The following COL10A1 variants were observed in gnomAD, a reference collection of about 807,000 sequenced individuals.
The protein encoded by COL10A1 is collagen alpha-1(X) chain.
In COL10A1, 10 loss-of-function variants were observed where a neutral mutation model predicts 18.2. That is an observed-to-expected ratio of 0.55 (90% CI 0.34 to 0.93). The LOEUF (loss-of-function observed/expected upper bound fraction) is 0.93. COL10A1 is among the 40% of genes least tolerant of loss of function. COL10A1 has a pLI of 0.02. For missense variants in COL10A1, 897 were observed against 853.5 expected (o/e 1.05, Z -0.64); for synonymous variants, 330 against 316.6 (o/e 1.04, Z -0.45).
intron 1 of COL10A1, among the ~76,000 whole-genome samples, chr6:116,146,205 A>C (rs1408912240): frequency 2.6e-5 from 4 of 152,200 alleles, no homozygotes; most frequent in Non-Finnish European, 5.9e-5. Context: ...ATGATAAAGG[A>C]ATATAGATAA....
At chr6:116,182,266 T>C in the COL10A1 span, among the ~76,000 whole-genome samples, 1 of 151,550 alleles carries the variant, frequency 6.6e-6, no homozygotes, top group African/African-American at 2.4e-5. Flanking sequence ...TCACATTTTC[T>C]TTTTCTTTAT....
chr6:116,152,978 G>A (rs1366521853), intron 1 of COL10A1, among the ~76,000 whole-genome samples: 2 of 152,152 alleles, frequency 1.3e-5, no homozygotes, highest in African/African-American at 4.8e-5. Context: ...ATAAAATACA[G>A]AGGAATGATT....
chr6:116,163,141 A>AAAAT (rs761718922), upstream of COL10A1, among the ~76,000 whole-genome samples: 26 of 88,394 alleles, frequency 2.9e-4, 1 homozygote, highest in African/African-American at 1.3e-3. Flanking sequence ...AAAAAAAAAA[A>AAAAT]ATATATATAT....
At chr6:116,162,247 T>A (rs1053821759), upstream of COL10A1, among the ~76,000 whole-genome samples, 5 of 152,188 alleles carry the variant, frequency 3.3e-5, no homozygotes, top group South Asian at 2.1e-4. Context: ...CTTCCACTTT[T>A]CCGATTTGGA....
At chr6:116,197,271 C>A in the COL10A1 span, among the ~76,000 whole-genome samples, 4 of 151,962 alleles carry the variant, frequency 2.6e-5, no homozygotes, top group Non-Finnish European at 5.9e-5. Flanking sequence ...AACCACATAC[C>A]ATCCATAGTT....
In COL10A1 at chr6:116,121,000, G is replaced by A; in HGVS notation, c.1116C>T (p.Tyr372=). ...AACCCCTTTCACCCTTAGCCCCAGGGTATCCTGCAGGCCCAGCTGGCCCTG... is the reference window on the plus strand; with the variant it reads ...AACCCCTTTCACCCTTAGCCCCAGGATATCCTGCAGGCCCAGCTGGCCCTG... ...GETGPAGPAG[Y]PGAKGERGSP... is the part of the protein sequence containing the mutation. Residue 372 remains tyrosine (Y), a synonymous_variant, in exon 3 of 3, where the codon TAC becomes TAT. Coordinates refer to ENST00000651968, the MANE Select transcript of COL10A1 (RefSeq NM_000493.4). 6.2e-7 allele frequency: 1 copy of A among 1,613,912 alleles called. No individual in the cohort carries two copies. Among genetic ancestry groups the A allele is most frequent in the Non-Finnish European group, 8.5e-7 (1 of 1,179,880 alleles).
At chr6:116,195,085 T>C in the COL10A1 span, among the ~76,000 whole-genome samples, 11 of 152,102 alleles carry the variant, frequency 7.2e-5, no homozygotes, top group Admixed American at 7.2e-4. Context: ...TTGTTTTTGC[T>C]TGCCAGCCTA....
chr6:116,172,362 C>T, the COL10A1 span, among the ~76,000 whole-genome samples: 2 of 133,144 alleles, frequency 1.5e-5, no homozygotes, highest in African/African-American at 2.9e-5. Context: ...CGCTCTGTTG[C>T]CCAGGCTGGA....
chr6:116,148,220 CA>C lies in COL10A1; in HGVS notation c.-16+10393del, dbSNP rs967027046. On this transcript the variant is annotated intron_variant, in intron 1 of 1. Coordinates refer to the COL10A1 transcript ENST00000418500. ...AGAGGCAAATTGAGTAAGTTGGGGA[CA>C]GGGGTGGGAGGGAGAATTATTTTTC... Among the ~76,000 whole-genome samples the C allele has an allele frequency of 6.4e-4, 97 of 151,982 alleles. 1 individual carries two copies. Among genetic ancestry groups the C allele is most frequent in the Admixed American group, 6.5e-5 (1 of 15,272 alleles).
At chr6:116,163,181 G>C (rs1356946793), upstream of COL10A1, among the ~76,000 whole-genome samples, 2 of 141,224 alleles carry the variant, frequency 1.4e-5, no homozygotes, top group African/African-American at 5.4e-5. Flanking sequence ...ATTGATACCA[G>C]CTCTTCTTTG....
In COL10A1 at chr6:116,120,056, A is replaced by G; in HGVS notation, c.*17T>C. Reference sequence around the variant, plus strand: ...ATGCTTTTTCTAGCACAAGATTTAGATTAGCTCTGTGTGTACTCACATTGG... The same window carrying G: ...ATGCTTTTTCTAGCACAAGATTTAGGTTAGCTCTGTGTGTACTCACATTGG... On this transcript the variant is annotated 3_prime_UTR_variant, in exon 3 of 3. Transcript: ENST00000651968. 13 of 1,476,084 alleles carry G rather than the reference A, an allele frequency of 8.8e-6. No individual in the cohort carries two copies. Among genetic ancestry groups the G allele is most frequent in the Non-Finnish European group, 1.2e-5 (13 of 1,118,130 alleles). 91.4% of individuals were successfully genotyped at this position (1,476,084 alleles called of 1,614,324 possible).
upstream of COL10A1, among the ~76,000 whole-genome samples, chr6:116,160,065 T>A (rs967850634): frequency 3.3e-5 from 5 of 152,202 alleles, no homozygotes; most frequent in Non-Finnish European, 7.4e-5. Context: ...TGAATAGTGC[T>A]CAATAAACAT....
chr6:116,200,003 G>GT, the COL10A1 span, among the ~76,000 whole-genome samples: 1 of 150,984 alleles, frequency 6.6e-6, no homozygotes, highest in African/African-American at 2.5e-5. Context: ...GGAAAGTGGG[G>GT]GGGGAAGAGT....
the COL10A1 span, among the ~76,000 whole-genome samples, chr6:116,200,314 C>T: frequency 2.0e-5 from 3 of 151,830 alleles, no homozygotes; most frequent in Non-Finnish European, 4.4e-5. Context: ...AACCAGTAAA[C>T]GTAATATGGT....
At chr6:116,211,194 T>A in the COL10A1 span, among the ~76,000 whole-genome samples, 12 of 152,000 alleles carry the variant, frequency 7.9e-5, no homozygotes, top group South Asian at 6.2e-4. Context: ...TTTCACCAGC[T>A]CTCACCGTTC....
At chr6:116,147,526 A>G (rs1779929529) in intron 1 of COL10A1, among the ~76,000 whole-genome samples, 1 of 152,194 alleles carries the variant, frequency 6.6e-6, no homozygotes, top group South Asian at 2.1e-4. Context: ...GTCCTAATAT[A>G]TAAGAAGTTA....
At chr6:116,195,660 T>G in the COL10A1 span, among the ~76,000 whole-genome samples, 1 of 152,066 alleles carries the variant, frequency 6.6e-6, no homozygotes, top group Non-Finnish European at 1.5e-5. Context: ...AGCTTTTAAA[T>G]TTTTGGTTGG....
the COL10A1 span, among the ~76,000 whole-genome samples, chr6:116,207,971 G>A: frequency 6.6e-6 from 1 of 151,878 alleles, no homozygotes. Context: ...ATTCTGTTAG[G>A]CTACCTACTA....
chr6:116,207,588 A>G, the COL10A1 span, among the ~76,000 whole-genome samples: 4 of 151,964 alleles, frequency 2.6e-5, no homozygotes, highest in Non-Finnish European at 5.9e-5. Context: ...ATTCTAAAAA[A>G]TACCCAAAAT....
Sources: gnomAD v4.1 joint callset for allele counts (sites outside exome capture counted in the v4.1 genomes callset) on GRCh38, gnomAD v4.1.1 for gene constraint, MANE v1.5 for transcripts, NCBI Gene and HGNC (gene_info 2026-07-23, HGNC 2026-07-21) for gene names.